Variants in SPON2 observed in about 807,000 individuals in gnomAD.
SPON2 encodes the protein spondin 2.
Under a neutral mutation model 29.9 loss-of-function variants are expected in SPON2, and 32 were observed. The ratio of observed to expected loss-of-function variants is 1.07; its 90% CI spans 0.81 to 1.44. The LOEUF (loss-of-function observed/expected upper bound fraction) is 1.44. Ranked by LOEUF, SPON2 falls within the 40% of genes most tolerant of loss-of-function variation. The pLI, the probability that SPON2 is intolerant of heterozygous loss-of-function variation, is 0.00. For missense variants in SPON2, 541 were observed against 455.5 expected (o/e 1.19, Z -1.71); for synonymous variants, 248 against 209.1 (o/e 1.19, Z -1.61).
At chr4:1,204,352 T>A (rs182811653) in intron 1 of SPON2, among the ~76,000 whole-genome samples, 4 of 152,226 alleles carry the variant, frequency 2.6e-5, no homozygotes, top group African/African-American at 9.7e-5. Flanking sequence ...CTCAGCCTGA[T>A]GTGCAGGGGT....
intron 1 of SPON2, among the ~76,000 whole-genome samples, chr4:1,187,870 C>T (rs995386739): frequency 2.0e-5 from 3 of 152,134 alleles, no homozygotes; most frequent in South Asian, 2.1e-4. Context: ...TTACACTGCC[C>T]TTTGAAAATG....
upstream of SPON2, among the ~76,000 whole-genome samples, chr4:1,197,524 G>GC: frequency 6.6e-6 from 1 of 152,094 alleles, no homozygotes. Context: ...AGCGCCCAGA[G>GC]CCCCCAGCAC....
upstream of SPON2, among the ~76,000 whole-genome samples, chr4:1,177,412 G>A (rs145153914): frequency 1.6e-3 from 242 of 152,348 alleles, 3 homozygotes; most frequent in African/African-American, 5.4e-3. Flanking sequence ...ACAACCGCAG[G>A]TGCTGTGAAG....
chr4:1,189,988 T>C (rs1212578521), intron 1 of SPON2, among the ~76,000 whole-genome samples: 1 of 113,786 alleles, frequency 8.8e-6, no homozygotes, highest in African/African-American at 3.5e-5. Flanking sequence ...AGACTCCATC[T>C]CAAAAAAAAA....
intron 1 of SPON2, among the ~76,000 whole-genome samples, chr4:1,191,814 G>C (rs1020575227): frequency 6.6e-6 from 1 of 152,218 alleles, no homozygotes; most frequent in African/African-American, 2.4e-5. Context: ...TGTGGAGAGA[G>C]GGTGGAGGAG....
chr4:1,198,284 G>A (rs998918758), upstream of SPON2, among the ~76,000 whole-genome samples: 2 of 152,174 alleles, frequency 1.3e-5, no homozygotes, highest in African/African-American at 4.8e-5. Context: ...GCAGAGATGA[G>A]CACGAGGTGC....
chr4:1,184,163 T>G (rs1275194191), intron 1 of SPON2, among the ~76,000 whole-genome samples: 1 of 152,080 alleles, frequency 6.6e-6, no homozygotes, highest in East Asian at 1.9e-4. Context: ...GAGACCAGGT[T>G]TCACCATGTT....
At chr4:1,206,366 C>T (rs573228263) in intron 1 of SPON2, among the ~76,000 whole-genome samples, 15 of 152,348 alleles carry the variant, frequency 9.8e-5, no homozygotes, top group South Asian at 2.1e-4. Context: ...AAGGGGCTGG[C>T]GGTTGTCAGC....
At chr4:1,206,940 A>C (rs967055579) in intron 1 of SPON2, among the ~76,000 whole-genome samples, 1 of 48,026 alleles carries the variant, frequency 2.1e-5, no homozygotes, top group African/African-American at 7.9e-5. Context: ...GAGAAGAGGC[A>C]GTGGGGGCAG....
intron 1 of SPON2, among the ~76,000 whole-genome samples, chr4:1,186,054 C>G (rs186170680): frequency 0.029 from 4,243 of 148,606 alleles, 94 homozygotes; most frequent in African/African-American, 0.034. Context: ...ACCATCCTGG[C>G]TAACACGGTG....
chr4:1,187,933 A>C (rs1577906007), intron 1 of SPON2, among the ~76,000 whole-genome samples: 2 of 152,144 alleles, frequency 1.3e-5, no homozygotes, highest in South Asian at 2.1e-4. Context: ...CAGGCACAGC[A>C]ACACACGCCT....
chr4:1,199,963 C>G (rs1167592144), upstream of SPON2: 4 of 152,288 alleles, frequency 2.6e-5, no homozygotes, highest in African/African-American at 7.2e-5. This position sits in a 1 kb window ranked among gnomAD's most constrained non-coding sequence, Gnocchi z 4.5. Context: ...AAGACCCAGT[C>G]TGGAGCCTCT....
chr4:1,208,365 A>C (rs1728399017), upstream of SPON2: 1 of 152,218 alleles, frequency 6.6e-6, no homozygotes, highest in South Asian at 2.1e-4. Context: ...CCCCAGAGGG[A>C]CTGTCCCGAC....
At position 1,171,323 on chromosome 4, in the gene SPON2, G is replaced by T. The variant is rs576987761; in HGVS notation, c.384C>A (p.Ala128=). Residue 128 remains alanine, a synonymous_variant, in exon 3 of 6, where the codon GCC becomes GCA. Coordinates refer to ENST00000290902, the MANE Select transcript of SPON2 (RefSeq NM_012445.4). ...QSVHAVFSAP[A]VPSGTGQTSA... is the part of the protein sequence containing the mutation. Reference sequence around the variant, plus strand: ...ACGTCTGCCCGGTGCCGCTGGGGACGGCGGGCGCCGAAAACACCGCGTGCA... The same window carrying T: ...ACGTCTGCCCGGTGCCGCTGGGGACTGCGGGCGCCGAAAACACCGCGTGCA... The T allele has an allele frequency of 1.2e-6, 2 of 1,602,000 alleles. No homozygotes were observed. The highest frequency in any genetic ancestry group is 3.4e-5 in the Admixed American group (2 of 59,670).
upstream of SPON2, among the ~76,000 whole-genome samples, chr4:1,197,408 C>T (rs1728093311): frequency 6.6e-6 from 1 of 152,138 alleles, no homozygotes; most frequent in African/African-American, 2.4e-5. Context: ...AACACACTCC[C>T]AGGTAGCCCT....
chr4:1,179,847 T>G (rs1421476011), intron 1 of SPON2, among the ~76,000 whole-genome samples: 3 of 152,176 alleles, frequency 2.0e-5, no homozygotes, highest in African/African-American at 2.4e-5. Flanking sequence ...GTTTCTGACT[T>G]GATTCAGAGC....
At chr4:1,192,620 T>C (rs886804017) in intron 1 of SPON2, among the ~76,000 whole-genome samples, 2 of 152,200 alleles carry the variant, frequency 1.3e-5, no homozygotes, top group Non-Finnish European at 2.9e-5. Flanking sequence ...AAGCCGGAGC[T>C]GCCCGGGGCA....
chr4:1,174,304 T>C (rs186029516), upstream of SPON2, among the ~76,000 whole-genome samples: 4 of 151,936 alleles, frequency 2.6e-5, no homozygotes, highest in East Asian at 7.7e-4. Context: ...CTGGCCAACA[T>C]GGTGAAGCCC....
intron 1 of SPON2, among the ~76,000 whole-genome samples, chr4:1,207,572 C>T (rs1250342003): frequency 1.3e-5 from 2 of 151,684 alleles, no homozygotes; most frequent in Non-Finnish European, 2.9e-5. Context: ...AACCATGCGC[C>T]GCGCTTACAC....
Sources: gnomAD v4.1 joint callset for allele counts (sites outside exome capture counted in the v4.1 genomes callset) on GRCh38, gnomAD v4.1.1 for gene constraint, Gnocchi (gnomAD v3.1) non-coding constraint, MANE v1.5 for transcripts, NCBI Gene and HGNC (gene_info 2026-07-23, HGNC 2026-07-21) for gene names.